The following PDE1C variants were observed in gnomAD, a reference collection of about 807,000 sequenced individuals.
The protein encoded by PDE1C is phosphodiesterase 1C.
Under a neutral mutation model 93.1 loss-of-function variants are expected in PDE1C, and 62 were observed. That is an observed-to-expected ratio of 0.67 (90% confidence interval 0.54 to 0.82). The LOEUF (loss-of-function observed/expected upper bound fraction) is 0.82. Ranked by LOEUF, PDE1C falls within the 40% of genes least tolerant of loss-of-function variation. PDE1C has a pLI of 0.00. For synonymous variants in PDE1C, 325 were observed against 310.1 expected (o/e 1.05, Z -0.50); for missense variants, 742 against 884.6 (o/e 0.84, Z 2.04).
In PDE1C at chr7:32,204,406, T is replaced by G. The variant is rs1805260875; in HGVS notation, c.136+5083A>C. Among the ~76,000 whole-genome samples, 5 of 152,182 alleles carry G rather than the reference T, an allele frequency of 3.3e-5. No individual in the cohort carries two copies. In the South Asian group the frequency reaches 1.0e-3, roughly 32 times the overall value. ...TCTTGGGGGAGAAATTAGTCCTCCC[T>G]CAGGAAAGCAACCAGAACTCCAGCA... On this transcript the variant is annotated intron_variant, in intron 2 of 18. Coordinates refer to the PDE1C transcript ENST00000396193.
chr7:31,781,048 T>C (rs560739308), intron 16 of PDE1C, among the ~76,000 whole-genome samples: 1 of 152,332 alleles, frequency 6.6e-6, no homozygotes, highest in African/African-American at 2.4e-5. Flanking sequence ...TTAATGTCCT[T>C]GTTTGGTTCA....
At chr7:32,360,312 C>A (rs1348558335) in intron 1 of PDE1C, among the ~76,000 whole-genome samples, 1 of 152,240 alleles carries the variant, frequency 6.6e-6, no homozygotes, top group South Asian at 2.1e-4. Context: ...AGCAAGCCCT[C>A]CACTCCTATC....
chr7:32,355,835 A>C, intron 1 of PDE1C, among the ~76,000 whole-genome samples: 1 of 152,216 alleles, frequency 6.6e-6, no homozygotes, highest in East Asian at 1.9e-4. Context: ...TACTCTCTGA[A>C]GGAGCTGCAA....
In PDE1C at chr7:32,198,874, T is replaced by G. The variant is rs1451199371; in HGVS notation, c.136+10615A>C. On this transcript the variant is annotated intron_variant, in intron 2 of 18. Transcript: ENST00000396193. ...GGTTCATGCCTATAACCCAGCACTT[T>G]GGGAGGCCAAGGCAGGTGGATCACT... is the stretch of plus-strand genomic sequence containing the variant. Among the ~76,000 whole-genome samples, 4 of 152,066 alleles carry G rather than the reference T, an allele frequency of 2.6e-5. No homozygotes were observed. In the East Asian group the frequency reaches 7.7e-4, roughly 29 times the overall value.
intron 2 of PDE1C, among the ~76,000 whole-genome samples, chr7:32,010,686 T>C (rs1047956345): frequency 2.0e-5 from 3 of 152,142 alleles, no homozygotes; most frequent in Non-Finnish European, 2.9e-5. Flanking sequence ...AAAATCAAGG[T>C]GTCAGCAAGG....
chr7:32,377,074 C>G (rs1387477298), intron 1 of PDE1C, among the ~76,000 whole-genome samples: 3 of 152,268 alleles, frequency 2.0e-5, no homozygotes, highest in Non-Finnish European at 4.4e-5. Context: ...ACTGTGTTCT[C>G]TGCTGTAGCC....
intron 1 of PDE1C, among the ~76,000 whole-genome samples, chr7:32,281,418 A>C (rs557180556): frequency 6.6e-6 from 1 of 152,206 alleles, no homozygotes; most frequent in Non-Finnish European, 1.5e-5. Context: ...TAAAAATTTC[A>C]TATAAATTAA....
intron 3 of PDE1C, among the ~76,000 whole-genome samples, chr7:32,079,090 G>A (rs1563292282): frequency 6.6e-6 from 1 of 152,200 alleles, no homozygotes; most frequent in Non-Finnish European, 1.5e-5. Flanking sequence ...GCCACCAAAG[G>A]TGAAGATTTA....
intron 2 of PDE1C, among the ~76,000 whole-genome samples, chr7:31,894,491 T>G (rs1383460741): frequency 6.6e-6 from 1 of 152,228 alleles, no homozygotes; most frequent in African/African-American, 2.4e-5. Context: ...ATCACACATA[T>G]GGCTCCATGA....
At chr7:31,849,848 G>A (rs1793106274) in intron 8 of PDE1C, among the ~76,000 whole-genome samples, 1 of 152,126 alleles carries the variant, frequency 6.6e-6, no homozygotes, top group African/African-American at 2.4e-5. Context: ...CTTAGGCTAG[G>A]AGAGGGCAAG....
intron 2 of PDE1C, among the ~76,000 whole-genome samples, chr7:31,994,098 T>C (rs1369857642): frequency 6.6e-6 from 1 of 152,074 alleles, no homozygotes; most frequent in Non-Finnish European, 1.5e-5. Context: ...ACCAAAGCAG[T>C]AGCAAGTGCA....
intron 1 of PDE1C, among the ~76,000 whole-genome samples, chr7:32,224,054 A>C (rs1807073968): frequency 6.6e-6 from 1 of 152,174 alleles, no homozygotes; most frequent in Non-Finnish European, 1.5e-5. Flanking sequence ...CCTTGGCACC[A>C]GTTCTCTACA....
intron 3 of PDE1C, among the ~76,000 whole-genome samples, chr7:32,153,482 A>G (rs1039534242): frequency 6.6e-6 from 1 of 152,202 alleles, no homozygotes; most frequent in African/African-American, 2.4e-5. Flanking sequence ...AAGGAAAACA[A>G]GAGAAGGTCA....
intron 3 of PDE1C, among the ~76,000 whole-genome samples, chr7:32,129,160 T>C (rs1464610492): frequency 1.3e-5 from 2 of 151,054 alleles, no homozygotes; most frequent in African/African-American, 4.9e-5. Flanking sequence ...ACATAAAATA[T>C]CACTGTCAAG....
At chr7:31,826,825 G>A (rs1486697885) in intron 12 of PDE1C, among the ~76,000 whole-genome samples, 2 of 152,128 alleles carry the variant, frequency 1.3e-5, no homozygotes, top group Non-Finnish European at 2.9e-5. Context: ...AAACAGGGTA[G>A]GCAAACTTTA....
chr7:31,798,504 T>C (rs1305650931), intron 16 of PDE1C, among the ~76,000 whole-genome samples: 2 of 151,720 alleles, frequency 1.3e-5, no homozygotes, highest in Non-Finnish European at 2.9e-5. Flanking sequence ...TGCCAAACAT[T>C]TTCTATGACT....
chr7:31,925,262 C>T (rs1255363958), intron 2 of PDE1C, among the ~76,000 whole-genome samples: 1 of 151,912 alleles, frequency 6.6e-6, no homozygotes, highest in Non-Finnish European at 1.5e-5. Flanking sequence ...ATTATTAGTT[C>T]CTTTCCTTGA....
Position 31,962,428 on chromosome 7 carries a change from T to C in PDE1C, c.129-81568A>G, listed in dbSNP as rs374194630. Among the ~76,000 whole-genome samples, 47 of 152,352 alleles carry C rather than the reference T, an allele frequency of 3.1e-4. No homozygotes were observed. The East Asian group carries it at 8.9e-3, about 29-fold the overall frequency. On this transcript the variant is annotated intron_variant, in intron 2 of 17. Transcript: ENST00000396191. ...CAGAAAACAGAGTCTGCAATGAACATGCTTATGGCCCACACTTTCCAGTCA... is the reference window on the plus strand; with the variant it reads ...CAGAAAACAGAGTCTGCAATGAACACGCTTATGGCCCACACTTTCCAGTCA...
Position 31,772,601 on chromosome 7 carries a change from T to C in PDE1C, c.1960+3063A>G, listed in dbSNP as rs191957913. On this transcript the variant is annotated intron_variant, in intron 17 of 17. Coordinates refer to ENST00000396191, the MANE Select transcript of PDE1C (RefSeq NM_001191057.4). ...TTTTTTATTATAATTTTACCTACCT[T>C]GGCGTGTGTTTGAGCAGAGGAGTGT... Among the ~76,000 whole-genome samples the C allele has an allele frequency of 1.8e-3, 274 of 152,178 alleles. 1 individual carries two copies. The highest frequency in any genetic ancestry group is 6.2e-3 in the African/African-American group (259 of 41,514).
Sources: allele counts gnomAD v4.1 joint callset (sites outside exome capture counted in the v4.1 genomes callset), GRCh38; gene constraint gnomAD v4.1.1; transcripts MANE v1.5; gene names NCBI Gene and HGNC (gene_info 2026-07-23, HGNC 2026-07-21).